Variants in SUSD6 observed in about 807,000 individuals in gnomAD.
SUSD6 encodes the protein sushi domain containing 6, also known as sushi domain-containing protein 6.
A neutral mutation model predicts 28.4 loss-of-function variants in SUSD6; 16 were observed. The ratio of observed to expected loss-of-function variants is 0.56; its 90% CI spans 0.38 to 0.86. SUSD6 has a LOEUF of 0.86. SUSD6 is among the 40% of genes least tolerant of loss of function. The pLI is 0.00. For synonymous variants in SUSD6, 147 were observed against 159.6 expected (o/e 0.92, Z 0.59); for missense variants, 341 against 384.2 (o/e 0.89, Z 0.94).
intron 1 of SUSD6, among the ~76,000 whole-genome samples, chr14:69,629,242 G>T (rs757701926): frequency 6.6e-6 from 1 of 151,968 alleles, no homozygotes; most frequent in Non-Finnish European, 1.5e-5. Context: ...CTTGGAGGGG[G>T]TGTAATGTTG....
At chr14:69,630,265 C>T (rs778681989) in intron 1 of SUSD6, among the ~76,000 whole-genome samples, 3 of 152,156 alleles carry the variant, frequency 2.0e-5, no homozygotes, top group Admixed American at 6.5e-5. Context: ...GAACGTTTGG[C>T]CAAACACTGG....
At chr14:69,706,321 C>T (rs1202524960) in intron 4 of SUSD6, among the ~76,000 whole-genome samples, 1 of 151,480 alleles carries the variant, frequency 6.6e-6, no homozygotes, top group Admixed American at 6.6e-5. Flanking sequence ...GCTAGTTTTG[C>T]TTGATTTGAG....
intron 1 of SUSD6, among the ~76,000 whole-genome samples, chr14:69,655,209 A>G (rs955827926): frequency 6.6e-6 from 1 of 152,002 alleles, no homozygotes; most frequent in Non-Finnish European, 1.5e-5. Context: ...TTCACATACT[A>G]ATTTTAGAAG....
chr14:69,628,464 G>A (rs1412317289), intron 1 of SUSD6, among the ~76,000 whole-genome samples: 1 of 152,182 alleles, frequency 6.6e-6, no homozygotes, highest in Admixed American at 6.5e-5. Flanking sequence ...TCTGTATTTA[G>A]CAGGTATTAT....
chr14:69,680,398 CCAT>C (rs1885981201), intron 2 of SUSD6, among the ~76,000 whole-genome samples: 1 of 152,134 alleles, frequency 6.6e-6, no homozygotes, highest in Admixed American at 6.5e-5. Flanking sequence ...ATCCAAGGCC[CCAT>C]CATCTCTCAC....
At chr14:69,686,689 T>G (rs1192285553) in intron 2 of SUSD6, among the ~76,000 whole-genome samples, 1 of 152,152 alleles carries the variant, frequency 6.6e-6, no homozygotes, top group Non-Finnish European at 1.5e-5. Flanking sequence ...GCAGAGAAAT[T>G]CTCGTTTTTT....
intron 4 of SUSD6, among the ~76,000 whole-genome samples, chr14:69,707,558 C>G (rs1427085855): frequency 6.6e-6 from 1 of 152,070 alleles, no homozygotes; most frequent in African/African-American, 2.4e-5. Context: ...GAGTTCAAGA[C>G]CAGCCTGGGC....
intron 2 of SUSD6, among the ~76,000 whole-genome samples, chr14:69,662,307 G>A (rs1411345275): frequency 6.6e-6 from 1 of 152,158 alleles, no homozygotes; most frequent in Non-Finnish European, 1.5e-5. Flanking sequence ...GTCTCTGGTC[G>A]TAGATACCAC....
intron 1 of SUSD6, among the ~76,000 whole-genome samples, chr14:69,643,145 A>G (rs1050240536): frequency 2.0e-5 from 3 of 152,140 alleles, no homozygotes; most frequent in Non-Finnish European, 2.9e-5. Flanking sequence ...CTGTTGTCCA[A>G]TGTCTGAAAA....
At chr14:69,707,060 T>A (rs908478742) in intron 4 of SUSD6, among the ~76,000 whole-genome samples, 13 of 151,260 alleles carry the variant, frequency 8.6e-5, no homozygotes, top group African/African-American at 2.9e-4. Flanking sequence ...AGTGGACTGT[T>A]TAACAGATTA....
intron 2 of SUSD6, among the ~76,000 whole-genome samples, chr14:69,662,294 A>C (rs546583342): frequency 1.3e-5 from 2 of 152,332 alleles, no homozygotes; most frequent in Non-Finnish European, 1.5e-5. Flanking sequence ...ATTTGTCTGC[A>C]TCGTCTCTGG....
intron 5 of SUSD6, among the ~76,000 whole-genome samples, chr14:69,709,681 G>A (rs1442438341): frequency 2.0e-5 from 3 of 152,226 alleles, no homozygotes; most frequent in Non-Finnish European, 4.4e-5. Context: ...AAATGGCTGA[G>A]CTGGGATTTG....
chr14:69,622,847 G>T (rs1885061460), intron 1 of SUSD6, among the ~76,000 whole-genome samples: 1 of 152,152 alleles, frequency 6.6e-6, no homozygotes, highest in Admixed American at 6.5e-5. Context: ...GCCCACTTTG[G>T]CCTCACAAAG....
intron 2 of SUSD6, among the ~76,000 whole-genome samples, chr14:69,676,711 A>C (rs1885915771): frequency 6.6e-6 from 1 of 152,196 alleles, no homozygotes; most frequent in South Asian, 2.1e-4. Context: ...GTGCTTTTTA[A>C]AATGAGATTC....
intron 1 of SUSD6, among the ~76,000 whole-genome samples, chr14:69,655,284 A>G (rs1885565265): frequency 6.6e-6 from 1 of 152,148 alleles, no homozygotes; most frequent in Non-Finnish European, 1.5e-5. Context: ...GTATTCCATT[A>G]TATTGGGTGT....
intron 1 of SUSD6, among the ~76,000 whole-genome samples, chr14:69,628,724 T>C (rs1482227893): frequency 6.6e-6 from 1 of 150,702 alleles, no homozygotes; most frequent in Non-Finnish European, 1.5e-5. Flanking sequence ...GGTGGGTTTT[T>C]TTTTTTTTTT....
At chr14:69,653,140 C>T (rs1008690168) in intron 1 of SUSD6, among the ~76,000 whole-genome samples, 1 of 152,106 alleles carries the variant, frequency 6.6e-6, no homozygotes, top group Non-Finnish European at 1.5e-5. Flanking sequence ...GAGGAACTTA[C>T]GGACAGGAAG....
At chr14:69,645,656 G>A (rs975261946) in intron 1 of SUSD6, among the ~76,000 whole-genome samples, 1 of 152,096 alleles carries the variant, frequency 6.6e-6, no homozygotes, top group African/African-American at 2.4e-5. Flanking sequence ...TACCTTATAA[G>A]ACACAAACCC....
intron 2 of SUSD6, among the ~76,000 whole-genome samples, chr14:69,684,119 G>C (rs946607876): frequency 6.6e-6 from 1 of 152,210 alleles, no homozygotes; most frequent in African/African-American, 2.4e-5. Context: ...GACCCAGTGG[G>C]GTCAAGCATA....
Sources: allele counts gnomAD v4.1 joint callset (sites outside exome capture counted in the v4.1 genomes callset), GRCh38; gene constraint gnomAD v4.1.1; transcripts MANE v1.5; gene names NCBI Gene and HGNC (gene_info 2026-07-23, HGNC 2026-07-21).